Variants in ZFHX3 observed in about 807,000 individuals in gnomAD.
ZFHX3 encodes zinc finger homeobox 3, also known as zinc finger homeobox protein 3.
ZFHX3 carries 42 observed loss-of-function variants against 279.1 expected under a neutral mutation model. The ratio of observed to expected loss-of-function variants is 0.15; its 90% CI spans 0.12 to 0.19. ZFHX3 has a LOEUF of 0.19. Ranked by LOEUF, ZFHX3 falls within the 10% of genes least tolerant of loss-of-function variation. The probability of loss-of-function intolerance (pLI) is 1.00; values close to 1 mark genes in which losing one functional copy is unlikely to be tolerated. For synonymous variants in ZFHX3, 2,293 were observed against 1,957.8 expected, an observed-to-expected ratio of 1.17 and a Z score of -4.52; for missense variants, 4,981 against 4,754.0, an observed-to-expected ratio of 1.05 and a Z score of -1.40.
At chr16:73,744,757 T>C (rs1254297922) in intron 1 of ZFHX3, among the ~76,000 whole-genome samples, 4 of 152,246 alleles carry the variant, frequency 2.6e-5, no homozygotes, top group Non-Finnish European at 5.9e-5. Context: ...TGACAGCTTT[T>C]GCATTCTGAA....
chr16:73,491,580 T>C (rs2019057109), intron 2 of ZFHX3, among the ~76,000 whole-genome samples: 1 of 152,238 alleles, frequency 6.6e-6, no homozygotes, highest in Admixed American at 6.5e-5. Context: ...CGTGTGTGTT[T>C]ACATGGGTAG....
chr16:72,956,831 C>CAAAAAAAAAA (rs11402709), intron 2 of ZFHX3, among the ~76,000 whole-genome samples: 1 of 148,360 alleles, frequency 6.7e-6, no homozygotes, highest in Non-Finnish European at 1.5e-5. Context: ...CAAAAATAAG[C>CAAAAAAAAAA]AAAAAAAAAA....
At chr16:72,826,671 G>C (rs2036938918) in intron 5 of ZFHX3, among the ~76,000 whole-genome samples, 1 of 152,172 alleles carries the variant, frequency 6.6e-6, no homozygotes, top group South Asian at 2.1e-4. Context: ...ATCATTTGCA[G>C]GAGTCGGGAA....
intron 3 of ZFHX3, among the ~76,000 whole-genome samples, chr16:73,375,198 G>A (rs979336255): frequency 3.9e-5 from 6 of 151,982 alleles, no homozygotes; most frequent in African/African-American, 1.2e-4. Context: ...ATAAACTCAC[G>A]GATTTAAACA....
chr16:73,743,147 T>C (rs1298123221), intron 1 of ZFHX3, among the ~76,000 whole-genome samples: 1 of 152,224 alleles, frequency 6.6e-6, no homozygotes, highest in East Asian at 1.9e-4. Flanking sequence ...GAACTACAAC[T>C]TGCTTTTTTT....
At chr16:73,151,130 AAAT>A (rs1966930774) in intron 5 of ZFHX3, among the ~76,000 whole-genome samples, 1 of 152,238 alleles carries the variant, frequency 6.6e-6, no homozygotes, top group Non-Finnish European at 1.5e-5. Flanking sequence ...CACAACACAA[AAAT>A]TCATAGAGAC....
At chr16:73,371,812 G>A (rs2016636402) in intron 3 of ZFHX3, among the ~76,000 whole-genome samples, 1 of 152,184 alleles carries the variant, frequency 6.6e-6, no homozygotes, top group Non-Finnish European at 1.5e-5. Context: ...AATGTCACTG[G>A]TAAATAGTTC....
At chr16:72,999,400 T>G (rs1209443305) in intron 1 of ZFHX3, among the ~76,000 whole-genome samples, 1 of 152,130 alleles carries the variant, frequency 6.6e-6, no homozygotes, top group Non-Finnish European at 1.5e-5. Flanking sequence ...CAAGTGATCC[T>G]CCCACCTCAG....
intron 1 of ZFHX3, among the ~76,000 whole-genome samples, chr16:73,878,933 A>G (rs554472799): frequency 2.5e-4 from 30 of 120,428 alleles, no homozygotes; most frequent in African/African-American, 8.9e-4. Flanking sequence ...CTGTTCAAAA[A>G]AGATAAGATA....
intron 1 of ZFHX3, among the ~76,000 whole-genome samples, chr16:73,838,126 G>C (rs1424863337): frequency 6.6e-6 from 1 of 152,214 alleles, no homozygotes; most frequent in Admixed American, 6.5e-5. Flanking sequence ...ATGTCAGAGA[G>C]TTGTCAGGTT....
intron 1 of ZFHX3, among the ~76,000 whole-genome samples, chr16:73,862,491 G>A (rs1396502764): frequency 6.6e-6 from 1 of 152,160 alleles, no homozygotes; most frequent in African/African-American, 2.4e-5. Context: ...AAGATGTGAC[G>A]AGGACGGTTG....
intron 2 of ZFHX3, among the ~76,000 whole-genome samples, chr16:73,619,903 T>C (rs1789277631): frequency 6.6e-6 from 1 of 152,190 alleles, no homozygotes; most frequent in South Asian, 2.1e-4. Context: ...TCTAACTAAA[T>C]TTAGGAATGT....
intron 1 of ZFHX3, among the ~76,000 whole-genome samples, chr16:73,687,173 G>A (rs746824494): frequency 2.0e-5 from 3 of 149,338 alleles, no homozygotes; most frequent in Non-Finnish European, 4.4e-5. Context: ...CAGATTGCTT[G>A]AGCTCAGGAG....
chr16:73,715,467 G>T (rs373442261), intron 1 of ZFHX3, among the ~76,000 whole-genome samples: 3 of 151,276 alleles, frequency 2.0e-5, no homozygotes, highest in African/African-American at 7.3e-5. Context: ...CACAACCTGT[G>T]AGAGAGCTTA....
At chr16:73,211,704 C>G (rs1012022224) in intron 5 of ZFHX3, among the ~76,000 whole-genome samples, 1 of 150,574 alleles carries the variant, frequency 6.6e-6, no homozygotes, top group Admixed American at 6.6e-5. Flanking sequence ...GTTTTCTGTT[C>G]TTTCTCTTGG....
intron 3 of ZFHX3, among the ~76,000 whole-genome samples, chr16:72,941,042 G>A (rs1183085591): frequency 6.6e-6 from 1 of 152,208 alleles, no homozygotes; most frequent in Non-Finnish European, 1.5e-5. Context: ...ACCAGTGCAG[G>A]AGGAGACCAA....
intron 5 of ZFHX3, among the ~76,000 whole-genome samples, chr16:73,148,555 CTTTTTTTTT>C (rs36018349): frequency 1.4e-4 from 8 of 55,414 alleles, no homozygotes; most frequent in South Asian, 1.2e-3. Context: ...AAATGCTGGG[CTTTTTTTTT>C]TTTTTTTTTT....
intron 5 of ZFHX3, among the ~76,000 whole-genome samples, chr16:73,242,867 T>C (rs1304212217): frequency 6.6e-6 from 1 of 152,162 alleles, no homozygotes; most frequent in Non-Finnish European, 1.5e-5. Context: ...GAGGGTAAGA[T>C]AGCACAGTCC....
intron 2 of ZFHX3, among the ~76,000 whole-genome samples, chr16:73,623,058 A>G (rs1274963735): frequency 6.6e-6 from 1 of 150,492 alleles, no homozygotes; most frequent in Non-Finnish European, 1.5e-5. Flanking sequence ...TTTTGTTTAG[A>G]CAGAGTCTGG....
Sources: allele counts gnomAD v4.1 joint callset (sites outside exome capture counted in the v4.1 genomes callset), GRCh38; gene constraint gnomAD v4.1.1; transcripts MANE v1.5; gene names NCBI Gene and HGNC (gene_info 2026-07-23, HGNC 2026-07-21).